PPARG: variants seen among roughly 807,000 people sequenced by gnomAD.
PPARG encodes the protein peroxisome proliferator activated receptor gamma, also known as peroxisome proliferator-activated receptor gamma.
A neutral mutation model predicts 39.2 loss-of-function variants in PPARG; 17 were observed. That is an observed-to-expected ratio of 0.43 (90% confidence interval 0.30 to 0.65). The LOEUF (loss-of-function observed/expected upper bound fraction) is 0.65. Among genes scored for constraint, PPARG ranks in the 30% least tolerant of loss-of-function variants. The pLI is 0.13. For missense variants in PPARG, 406 were observed against 585.9 expected (o/e 0.69, Z 3.17); for synonymous variants, 223 against 215.7 (o/e 1.03, Z -0.30).
intron 2 of PPARG, among the ~76,000 whole-genome samples, chr3:12,317,205 T>G (rs2047413964): frequency 6.6e-6 from 1 of 152,234 alleles, no homozygotes; most frequent in South Asian, 2.1e-4. Flanking sequence ...CAATGCTTAC[T>G]GCCCCAACCT....
Position 12,328,275 on chromosome 3 carries a change from T to C in PPARG, c.-9+15822T>C. 2.0e-6 allele frequency: 3 copies of C among 1,473,956 alleles called. No homozygotes were observed. The South Asian group carries it at 3.6e-5, about 18-fold the overall frequency. The allele number at this position is 1,473,956 out of a possible 1,614,324, so 91.3% of individuals were successfully genotyped here. A position where few individuals can be genotyped will look rare whatever the true frequency, so the allele number is the denominator to read the frequency against. On this transcript the variant is annotated intron_variant, in intron 2 of 7. Coordinates refer to ENST00000651735, the MANE Select transcript of PPARG (RefSeq NM_138711.6). ...GATGCTGATGGCACGAAGGGCCCAG[T>C]AGGGAGCCTCTCTGGGAAGCTCTTC...
intron 2 of PPARG, among the ~76,000 whole-genome samples, chr3:12,332,391 G>A (rs1299096795): frequency 6.6e-6 from 1 of 152,136 alleles, no homozygotes; most frequent in Non-Finnish European, 1.5e-5. Context: ...AAAAAATGTT[G>A]AAGATTATCC....
chr3:12,309,922 C>T (rs2124985254), intron 1 of PPARG, among the ~76,000 whole-genome samples: 1 of 152,286 alleles, frequency 6.6e-6, no homozygotes. Flanking sequence ...GCCCAGTTCT[C>T]TGGCTTCTAG....
chr3:12,335,956 A>G (rs1044081968), intron 2 of PPARG, among the ~76,000 whole-genome samples: 2 of 152,164 alleles, frequency 1.3e-5, no homozygotes, highest in Non-Finnish European at 2.9e-5. Flanking sequence ...AAGTGATGGT[A>G]TGTCCTGGTT....
chr3:12,358,190 G>T (rs550786755), intron 2 of PPARG, among the ~76,000 whole-genome samples: 1 of 152,244 alleles, frequency 6.6e-6, no homozygotes, highest in African/African-American at 2.4e-5. Context: ...TCATTTGTTT[G>T]TGAGTTACCC....
At chr3:12,340,481 G>A (rs547493690) in intron 2 of PPARG, among the ~76,000 whole-genome samples, 1 of 152,212 alleles carries the variant, frequency 6.6e-6, no homozygotes, top group African/African-American at 2.4e-5. Flanking sequence ...TCTTGTCCAA[G>A]TTTTCATCAT....
chr3:12,425,080 A>C (rs574440054), intron 7 of PPARG, among the ~76,000 whole-genome samples: 1 of 152,336 alleles, frequency 6.6e-6, no homozygotes, highest in East Asian at 1.9e-4. Flanking sequence ...GATATCAGCT[A>C]ATCGCTTTAT....
chr3:12,301,618 A>C (rs11128596), intron 1 of PPARG: 43,842 of 151,958 alleles, frequency 0.29, 6,540 homozygotes, highest in East Asian at 0.49. Context: ...TCTCTGGACA[A>C]CCAGTCTTCT....
chr3:12,361,362 T>C (rs1217374935), intron 2 of PPARG, among the ~76,000 whole-genome samples: 1 of 152,234 alleles, frequency 6.6e-6, no homozygotes, highest in Non-Finnish European at 1.5e-5. Flanking sequence ...CTAATCAATA[T>C]AGTCTGATAT....
chr3:12,314,790 C>A (rs2047344120), intron 2 of PPARG, among the ~76,000 whole-genome samples: 1 of 151,978 alleles, frequency 6.6e-6, no homozygotes, highest in South Asian at 2.1e-4. Flanking sequence ...TAGTATTGTG[C>A]CATTCTCAAT....
chr3:12,432,760 T>G (rs914949771), intron 7 of PPARG, among the ~76,000 whole-genome samples: 3 of 152,244 alleles, frequency 2.0e-5, no homozygotes, highest in Non-Finnish European at 4.4e-5. Context: ...AAAAGCTATT[T>G]GAACTGATAA....
chr3:12,305,154 T>C (rs954762173), intron 1 of PPARG, among the ~76,000 whole-genome samples: 1 of 152,194 alleles, frequency 6.6e-6, no homozygotes, highest in Non-Finnish European at 1.5e-5. Flanking sequence ...TTTCTGTCTC[T>C]GTTTCTCTCC....
intron 2 of PPARG, among the ~76,000 whole-genome samples, chr3:12,319,710 A>G (rs981648220): frequency 6.6e-6 from 1 of 150,798 alleles, no homozygotes; most frequent in Non-Finnish European, 1.5e-5. Context: ...CCTTTTAGTT[A>G]TACTTTGGAA....
At chr3:12,368,356 A>G (rs1317492551) in intron 2 of PPARG, among the ~76,000 whole-genome samples, 1 of 151,108 alleles carries the variant, frequency 6.6e-6, no homozygotes, top group African/African-American at 2.4e-5. Flanking sequence ...TAATTTTTGT[A>G]TTTTTGGTAG....
intron 1 of PPARG, among the ~76,000 whole-genome samples, chr3:12,296,613 T>C (rs997878016): frequency 6.6e-6 from 1 of 152,176 alleles, no homozygotes; most frequent in African/African-American, 2.4e-5. Context: ...ACTACCCCCA[T>C]TGACCTATCA....
chr3:12,386,970 T>A (rs899543276), intron 4 of PPARG, among the ~76,000 whole-genome samples: 1 of 151,362 alleles, frequency 6.6e-6, no homozygotes, highest in African/African-American at 2.4e-5. Context: ...ACGTGCAGTG[T>A]TTGGTTTTCT....
chr3:12,310,251 T>C (rs186389206), intron 1 of PPARG, among the ~76,000 whole-genome samples: 2 of 152,228 alleles, frequency 1.3e-5, no homozygotes, highest in East Asian at 3.9e-4. Flanking sequence ...ACACTAAGAA[T>C]AGATACCAGT....
At chr3:12,417,723 T>G (rs551228545) in intron 7 of PPARG, among the ~76,000 whole-genome samples, 1 of 152,136 alleles carries the variant, frequency 6.6e-6, no homozygotes, top group Non-Finnish European at 1.5e-5. Context: ...TGTGAGGTAG[T>G]TGGTTGTGAT....
chr3:12,408,330 C>A (rs546871279), intron 6 of PPARG, among the ~76,000 whole-genome samples: 1 of 152,290 alleles, frequency 6.6e-6, no homozygotes, highest in South Asian at 2.1e-4. Flanking sequence ...TTGACTAGGA[C>A]TGCTGGCTTT....
Sources: allele counts gnomAD v4.1 joint callset (sites outside exome capture counted in the v4.1 genomes callset), GRCh38; gene constraint gnomAD v4.1.1; transcripts MANE v1.5; gene names NCBI Gene and HGNC (gene_info 2026-07-23, HGNC 2026-07-21).